P2RY8: variants seen among roughly 807,000 people sequenced by gnomAD.
P2RY8 encodes the protein S-geranylgeranyl-glutathione receptor P2RY8.
P2RY8 carries 6 observed loss-of-function variants against 10.0 expected under a neutral mutation model. The observed-to-expected ratio is 0.60, with a 90% CI of 0.33 to 1.19. The LOEUF is 1.19. Among genes scored for constraint, P2RY8 ranks in the 50% most tolerant of loss-of-function variants. The pLI is 0.04. For missense variants in P2RY8, 456 were observed against 542.0 expected (o/e 0.84, Z 1.58); for synonymous variants, 276 against 252.5 (o/e 1.09, Z -0.88).
intron 1 of P2RY8, among the ~76,000 whole-genome samples, chrX:1,527,016 C>G (rs1475796050): frequency 6.6e-6 from 1 of 152,182 alleles, no homozygotes; most frequent in Non-Finnish European, 1.5e-5. Context: ...GCCTCAGCCT[C>G]CCAAGTAGCT....
chrX:1,483,004 T>A (rs2091953082), intron 1 of P2RY8, among the ~76,000 whole-genome samples: 1 of 151,892 alleles, frequency 6.6e-6, no homozygotes. Flanking sequence ...AATGACGAGT[T>A]AATGGGTGCA....
intron 1 of P2RY8, among the ~76,000 whole-genome samples, chrX:1,531,220 C>T (rs1413541677): frequency 6.6e-6 from 1 of 152,036 alleles, no homozygotes; most frequent in Non-Finnish European, 1.5e-5. Context: ...CTCCTGGCAC[C>T]TTGTGGCTGG....
At position 1,481,864 on chromosome X, in the gene P2RY8, T is replaced by C. The variant is rs186633550; in HGVS notation, c.-24-15282A>G. On this transcript the variant is annotated intron_variant, in intron 1 of 1. Coordinates refer to ENST00000381297, the MANE Select transcript of P2RY8 (RefSeq NM_178129.5). ...TCAGATCACAAGGCAAGAATCCTCC[T>C]AGCTAAGCACAAAAACGCGTAGGAA... 2.2e-4 allele frequency among the ~76,000 whole-genome samples: 34 copies of C among 152,268 alleles called. No homozygotes were observed. In the East Asian group the frequency reaches 5.8e-3, roughly 26 times the overall value.
intron 1 of P2RY8, among the ~76,000 whole-genome samples, chrX:1,499,163 C>CTTT (rs1163119480): frequency 9.7e-4 from 47 of 48,426 alleles, no homozygotes; most frequent in Non-Finnish European, 2.0e-3. Flanking sequence ...TTTTTCTTTT[C>CTTT]TTTTTTTTTT....
intron 1 of P2RY8, 134 bp from the exon 2 acceptor site, chrX:1,466,716 C>CTCCCTCCT (rs1556673435): frequency 1.4e-6 from 1 of 702,278 alleles, no homozygotes; most frequent in East Asian, 2.7e-5. Context: ...TGTCTCCTCC[C>CTCCCTCCT]TCCCTCCCTC....
intron 1 of P2RY8, among the ~76,000 whole-genome samples, chrX:1,494,887 ATT>A (rs59550310): frequency 7.9e-6 from 1 of 125,842 alleles, no homozygotes. Context: ...TTTTTTTTGT[ATT>A]TTTTTTTTAG....
At chrX:1,503,207 G>C (rs1276777172) in intron 1 of P2RY8, among the ~76,000 whole-genome samples, 14 of 152,236 alleles carry the variant, frequency 9.2e-5, no homozygotes, top group Non-Finnish European at 2.1e-4. Context: ...AGCTGGGAGA[G>C]ACAGGAAGGA....
intron 1 of P2RY8, among the ~76,000 whole-genome samples, chrX:1,526,499 T>C (rs2092441276): frequency 6.6e-6 from 1 of 152,000 alleles, no homozygotes; most frequent in African/African-American, 2.4e-5. Context: ...CATCCATCCA[T>C]CCATTCAGTC....
intron 1 of P2RY8, among the ~76,000 whole-genome samples, chrX:1,500,980 C>T (rs2092173102): frequency 1.3e-5 from 2 of 152,198 alleles, no homozygotes; most frequent in African/African-American, 2.4e-5. Flanking sequence ...GCAGCTGGGG[C>T]CGCCTGTCTG....
intron 1 of P2RY8, among the ~76,000 whole-genome samples, chrX:1,518,759 C>A (rs1377101842): frequency 6.6e-6 from 1 of 151,998 alleles, no homozygotes; most frequent in African/African-American, 2.4e-5. Context: ...CTCTGTGGTT[C>A]ACAATAATCT....
intron 1 of P2RY8, among the ~76,000 whole-genome samples, chrX:1,526,967 C>T (rs2092443903): frequency 6.6e-6 from 1 of 152,190 alleles, no homozygotes; most frequent in South Asian, 2.1e-4. Flanking sequence ...GATCTTGGCT[C>T]ATTGCAACAT....
chrX:1,512,320 G>A (rs1156924464), intron 1 of P2RY8, among the ~76,000 whole-genome samples: 1 of 152,060 alleles, frequency 6.6e-6, no homozygotes, highest in Admixed American at 6.6e-5. Context: ...GCCGAGGTGG[G>A]TGGATCACCT....
chrX:1,513,396 C>T (rs1187947814), intron 1 of P2RY8, among the ~76,000 whole-genome samples: 3 of 152,170 alleles, frequency 2.0e-5, no homozygotes, highest in Non-Finnish European at 4.4e-5. Flanking sequence ...ACCATATCAA[C>T]CATCCTCCCT....
Position 1,524,001 on chromosome X carries a change from AT to A in P2RY8, c.-25+12919del, listed in dbSNP as rs1252069734. Among the ~76,000 whole-genome samples the A allele has an allele frequency of 2.0e-5, 3 of 152,186 alleles. No individual in the cohort carries two copies. In the South Asian group the frequency reaches 6.2e-4, roughly 32 times the overall value. On this transcript the variant is annotated intron_variant, in intron 1 of 1. Transcript: ENST00000381297. Reference sequence around the variant, plus strand: ...CCACTGTGCCCGGCAAAGATGGTGAATTTTGTTATGTGAATTTCACCTCAAT... The same window carrying A: ...CCACTGTGCCCGGCAAAGATGGTGAATTTGTTATGTGAATTTCACCTCAAT...
chrX:1,499,166 T>TC (rs1183926359), intron 1 of P2RY8, among the ~76,000 whole-genome samples: 1 of 107,860 alleles, frequency 9.3e-6, no homozygotes, highest in African/African-American at 3.0e-5. Context: ...TTCTTTTCTT[T>TC]TTTTTTTTTT....
chrX:1,536,337 C>G (rs1390042871), intron 1 of P2RY8, among the ~76,000 whole-genome samples: 1 of 151,926 alleles, frequency 6.6e-6, no homozygotes, highest in African/African-American at 2.4e-5. Context: ...TCTCTGCTCA[C>G]TGCAAGCTCC....
intron 1 of P2RY8, among the ~76,000 whole-genome samples, chrX:1,529,679 C>T (rs1197234255): frequency 7.2e-5 from 11 of 152,098 alleles, no homozygotes; most frequent in Non-Finnish European, 1.6e-4. Context: ...CTATATCTAT[C>T]TATCATATCT....
chrX:1,476,077 A>G (rs1351797768), intron 1 of P2RY8, among the ~76,000 whole-genome samples: 1 of 152,140 alleles, frequency 6.6e-6, no homozygotes, highest in South Asian at 2.1e-4. Flanking sequence ...AGAGCTCTCC[A>G]TGACCCAGGC....
At chrX:1,519,940 C>G (rs2092378637) in intron 1 of P2RY8, among the ~76,000 whole-genome samples, 1 of 151,458 alleles carries the variant, frequency 6.6e-6, no homozygotes, top group African/African-American at 2.4e-5. Flanking sequence ...AATCATCTCT[C>G]TGGTCCCCAA....
Sources: allele counts gnomAD v4.1 joint callset (sites outside exome capture counted in the v4.1 genomes callset), GRCh38; gene constraint gnomAD v4.1.1; transcripts MANE v1.5; gene names NCBI Gene and HGNC (gene_info 2026-07-23, HGNC 2026-07-21).